A2ML1: variants seen among roughly 807,000 people sequenced by gnomAD.
A2ML1 encodes the protein alpha-2-macroglobulin-like protein 1.
A2ML1 carries 161 observed loss-of-function variants against 181.9 expected under a neutral mutation model. The ratio of observed to expected loss-of-function variants is 0.89; its 90% CI spans 0.78 to 1.01. The LOEUF (loss-of-function observed/expected upper bound fraction) is 1.01, where lower values mean the gene tolerates loss of function less well. Ranked by LOEUF, A2ML1 falls within the 50% of genes least tolerant of loss-of-function variation. The pLI is 0.00. For synonymous variants in A2ML1, 663 were observed against 666.8 expected, an observed-to-expected ratio of 0.99 and a Z score of 0.09; for missense variants, 1,670 against 1,768.1, an observed-to-expected ratio of 0.94 and a Z score of 1.00.
chr12:8,851,888 C>T lies in A2ML1; in HGVS notation c.2339C>T (p.Pro780Leu), dbSNP rs768611920. 4 of 1,614,198 alleles carry T rather than the reference C, an allele frequency of 2.5e-6. No individual in the cohort carries two copies. Among genetic ancestry groups the T allele is most frequent in the Middle Eastern group, 1.6e-4 (1 of 6,062 alleles). Residue 780 changes from proline to leucine, a missense_variant, in exon 19 of 36, where the codon CCC becomes CTC. Pro to Leu is a moderately conservative substitution (Grantham distance 98, BLOSUM62 -3). Coordinates refer to ENST00000299698, the MANE Select transcript of A2ML1 (RefSeq NM_144670.6). ...CAGTCAAGAGGCTTCGGGCTTTCAC[C>T]CACTGTTGGACTAACTGCTTTCAAG... ...TSQSRGFGLS[P>L]TVGLTAFKPF...
chr12:8,838,914 T>TAAA (rs11314317), intron 9 of A2ML1, among the ~76,000 whole-genome samples, 199 bp from the exon 10 acceptor site: 15 of 110,642 alleles, frequency 1.4e-4, no homozygotes, highest in Admixed American at 2.9e-4. Flanking sequence ...GACTCCATCT[T>TAAA]AAAAAAAAAA....
At chr12:8,837,627 A>G in intron 8 of A2ML1, 61 bp downstream of exon 8, 1 of 1,512,218 alleles carries the variant, frequency 6.6e-7, no homozygotes. Context: ...CACGCCTGTC[A>G]TCCCAGCACT....
At chr12:8,824,902 G>A (rs1942879514) in intron 3 of A2ML1, among the ~76,000 whole-genome samples, 1 of 152,168 alleles carries the variant, frequency 6.6e-6, no homozygotes, top group South Asian at 2.1e-4. Flanking sequence ...CATTCAGGCT[G>A]TTGCAAAGGA....
rs1461158497 is a variant in A2ML1, at chr12:8,852,093, T to TC, written c.2463+84dup. 8 of 1,588,544 alleles carry TC rather than the reference T, an allele frequency of 5.0e-6. No homozygotes were observed. Among genetic ancestry groups the TC allele is most frequent in the Middle Eastern group, 1.7e-4 (1 of 5,964 alleles). ...TAAGTTTGTCTCTAAATTGGAAGCA[T>TC]CCCAATTTTCCCTGGGAAAGAGAGG... On this transcript the variant is annotated intron_variant, in intron 19 of 35. Transcript: ENST00000299698. The surrounding 1 kb of genome is among the most constrained non-coding windows in gnomAD (Gnocchi z 4.2).
rs2136914827 is a variant in A2ML1 at position 8,857,499 on chromosome 12, C to T, written c.3026-8C>T. 2 of 1,611,488 alleles carry T rather than the reference C, an allele frequency of 1.2e-6. No homozygotes were observed. Among genetic ancestry groups the T allele is most frequent in the Non-Finnish European group, 1.7e-6 (2 of 1,179,010 alleles). Reference sequence around the variant, plus strand: ...CGCTGTGATCTAAAACCACATTTGGCTTCCCAGGGTACCAGAAGGAGCTGA... The same window carrying T: ...CGCTGTGATCTAAAACCACATTTGGTTTCCCAGGGTACCAGAAGGAGCTGA... On this transcript the variant is annotated splice_polypyrimidine_tract_variant and splice_region_variant and intron_variant, in intron 24 of 35. Coordinates refer to ENST00000299698, the MANE Select transcript of A2ML1 (RefSeq NM_144670.6).
Position 8,854,154 on chromosome 12 carries a change from A to G in A2ML1, c.2617A>G (p.Lys873Glu), listed in dbSNP as rs371612001. 6.2e-7 allele frequency: 1 copy of G among 1,603,210 alleles called. No homozygotes were observed. The highest frequency in any genetic ancestry group is 8.5e-7 in the Non-Finnish European group (1 of 1,174,662). ...TCACATTAACTTTACTATTAGTACA[A>G]AGATTCTGGACAGCAATGAACCATG... ...LGHINFTISTKILDSNEPCGG... is the reference protein window; with the variant it reads ...LGHINFTISTEILDSNEPCGG... The change falls in exon 21 of 36, where the codon AAG (lysine) becomes GAG (glutamate). Residue 873 changes from lysine (K) to glutamate (E), a missense_variant. Lys to Glu is a moderately conservative substitution (Grantham distance 56, BLOSUM62 1). Coordinates refer to ENST00000299698, the MANE Select transcript of A2ML1 (RefSeq NM_144670.6).
chr12:8,880,085 C>G (rs980309733), downstream of A2ML1, among the ~76,000 whole-genome samples: 4 of 152,112 alleles, frequency 2.6e-5, no homozygotes, highest in African/African-American at 9.7e-5. Context: ...TACGGAAGGC[C>G]AGGTGTGGTG....
Position 8,847,674 on chromosome 12 carries a change from A to G in A2ML1, c.1809A>G (p.Pro603=). The change falls in exon 15 of 36, where the codon CCA becomes CCG. Residue 603 remains proline, a synonymous_variant. Coordinates refer to ENST00000299698, the MANE Select transcript of A2ML1 (RefSeq NM_144670.6). ...AVDESVLLLR[P]DRELSNRSVY... is the part of the protein sequence containing the mutation. ...ATGAGAGTGTCTTACTGCTTAGGCC[A>G]GACAGAGAGCTGAGCAACCGCTCTG... 6.2e-7 allele frequency: 1 copy of G among 1,612,746 alleles called. No individual in the cohort carries two copies. Among genetic ancestry groups the G allele is most frequent in the Non-Finnish European group, 8.5e-7 (1 of 1,179,438 alleles).
At chr12:8,824,221 GGT>G (rs1942847156) in intron 3 of A2ML1, among the ~76,000 whole-genome samples, 1 of 136,366 alleles carries the variant, frequency 7.3e-6, no homozygotes, top group South Asian at 2.3e-4. Context: ...GAGCTACTGG[GGT>G]TTTTTTTTTT....
In A2ML1 at chr12:8,854,207, A is replaced by T. The variant is rs767309974; in HGVS notation, c.2670A>T (p.Gln890His). The T allele has an allele frequency of 1.1e-4, 173 of 1,609,826 alleles. No homozygotes were observed. Among genetic ancestry groups the T allele is most frequent in the Non-Finnish European group, 1.4e-4 (168 of 1,177,936 alleles). ...PCGGQKGFVP[Q>H]KGRSDTLIKP... ...GGGGCCAGAAGGGGTTTGTTCCCCA[A>T]AAGGGCCGAAGTGACACGCTCATCA... The change falls in exon 21 of 36, where the codon CAA becomes CAT. Residue 890 changes from glutamine (Q) to histidine (H), a missense_variant. Transcript: ENST00000299698.
At chr12:8,880,791 A>G (rs1944863377), downstream of A2ML1, among the ~76,000 whole-genome samples, 1 of 152,222 alleles carries the variant, frequency 6.6e-6, no homozygotes, top group Non-Finnish European at 1.5e-5. Context: ...ATTAATTAAT[A>G]ACATCTCAGA....
intron 7 of A2ML1, among the ~76,000 whole-genome samples, chr12:8,882,047 T>G (rs73047863): frequency 0.046 from 6,942 of 151,132 alleles, 169 homozygotes; most frequent in African/African-American, 0.062. Flanking sequence ...AATGTGTAAG[T>G]CCTGATGGTG....
At chr12:8,823,663 G>C (rs2136696880) in intron 2 of A2ML1, 57 bp from the exon 3 acceptor site, 1 of 1,572,112 alleles carries the variant, frequency 6.4e-7, no homozygotes, top group Non-Finnish European at 8.6e-7. Flanking sequence ...GTTGAGACCA[G>C]TTGATTCTGT....
rs1565475730 is a variant in A2ML1 at position 8,845,864 on chromosome 12, ATAAATAAAATAAAATAAAAT to A, written c.1538-212_1538-193del. Among the ~76,000 whole-genome samples, 10 of 57,186 alleles carry A rather than the reference ATAAATAAAATAAAATAAAAT, an allele frequency of 1.7e-4. 1 individual carries two copies. The highest frequency in any genetic ancestry group is 3.1e-4 in the African/African-American group (4 of 13,054). 37.5% of individuals were successfully genotyped at this position (57,186 alleles called of 152,430 possible). A position where few individuals can be genotyped will look rare whatever the true frequency, so the allele number is the denominator to read the frequency against. On this transcript the variant is annotated intron_variant, in intron 13 of 35. Coordinates refer to ENST00000299698, the MANE Select transcript of A2ML1 (RefSeq NM_144670.6). Reference sequence around the variant, plus strand: ...GACTCCGTCTCAAAAAAAAAAAAAAATAAATAAAATAAAATAAAATAAAATAAAAAAATTCTTATCCACAG... The same window carrying A: ...GACTCCGTCTCAAAAAAAAAAAAAAAAAAATAAAAAAATTCTTATCCACAG...
At chr12:8,823,997 G>T in intron 3 of A2ML1, 115 bp downstream of exon 3, 2 of 1,244,240 alleles carry the variant, frequency 1.6e-6, no homozygotes, top group Non-Finnish European at 2.2e-6. Context: ...GTGCAGAGGA[G>T]AGGAAAATCT....
At position 8,866,658 on chromosome 12, in the gene A2ML1, A is replaced by G. The variant is rs754157640; in HGVS notation, c.3718-1184A>G. ...ATTGTCTCCATATGTTCAAGCAGTA[A>G]AAAACCTCCCTGGCTCCAGTCCACA... On this transcript the variant is annotated intron_variant, in intron 29 of 35. Coordinates refer to ENST00000299698, the MANE Select transcript of A2ML1 (RefSeq NM_144670.6). Among the ~76,000 whole-genome samples, 310 of 152,254 alleles carry G rather than the reference A, an allele frequency of 2.0e-3. 1 individual carries two copies. The highest frequency in any genetic ancestry group is 7.0e-3 in the African/African-American group (291 of 41,548).
intron 29 of A2ML1, among the ~76,000 whole-genome samples, chr12:8,865,994 T>C (rs1565491182): frequency 6.6e-6 from 1 of 152,140 alleles, no homozygotes. Context: ...CATCTTTTAA[T>C]AGGTTGCATG....
chr12:8,851,705 C>A, intron 18 of A2ML1, 79 bp from the exon 19 acceptor site: 1 of 1,387,484 alleles, frequency 7.2e-7, no homozygotes, highest in South Asian at 1.3e-5. Flanking sequence ...CACACCCCAC[C>A]GAATTTGTGG....
At chr12:8,836,031 A>AT (rs1483207387) in intron 6 of A2ML1, among the ~76,000 whole-genome samples, 1 of 151,900 alleles carries the variant, frequency 6.6e-6, no homozygotes, top group Non-Finnish European at 1.5e-5. Flanking sequence ...AAAAAAAAAA[A>AT]AAATCAGCAA....
Sources: allele counts gnomAD v4.1 joint callset (sites outside exome capture counted in the v4.1 genomes callset), GRCh38; gene constraint gnomAD v4.1.1; non-coding constraint Gnocchi (gnomAD v3.1); transcripts MANE v1.5; gene names NCBI Gene and HGNC (gene_info 2026-07-23, HGNC 2026-07-21).